Variants in ADGRL4 observed in about 807,000 individuals in gnomAD.
ADGRL4 encodes adhesion G protein-coupled receptor L4.
Under a neutral mutation model 74.8 loss-of-function variants are expected in ADGRL4, and 90 were observed. The observed-to-expected ratio is 1.20, with a 90% CI of 1.02 to 1.43. The LOEUF (loss-of-function observed/expected upper bound fraction) is 1.43, where lower values mean the gene tolerates loss of function less well. Among genes scored for constraint, ADGRL4 ranks in the 40% most tolerant of loss-of-function variants. ADGRL4 has a pLI of 0.00. For synonymous variants in ADGRL4, 311 were observed against 279.2 expected, an observed-to-expected ratio of 1.11 and a Z score of -1.14; for missense variants, 881 against 814.3, an observed-to-expected ratio of 1.08 and a Z score of -1.00.
At chr1:78,899,560 GC>G (rs1648475180) in intron 12 of ADGRL4, among the ~76,000 whole-genome samples, 1 of 152,110 alleles carries the variant, frequency 6.6e-6, no homozygotes, top group South Asian at 2.1e-4. Context: ...TCGCCATATT[GC>G]CCAAGCTGTT....
At chr1:78,913,418 A>G (rs1648803502) in intron 12 of ADGRL4, among the ~76,000 whole-genome samples, 1 of 151,944 alleles carries the variant, frequency 6.6e-6, no homozygotes, top group African/African-American at 2.4e-5. Context: ...AAACATGCAT[A>G]TACACCGTGG....
At chr1:78,905,573 A>G (rs1489442674) in intron 12 of ADGRL4, among the ~76,000 whole-genome samples, 1 of 151,966 alleles carries the variant, frequency 6.6e-6, no homozygotes, top group African/African-American at 2.4e-5. Context: ...AAAACAAACA[A>G]ATGAGTGTGG....
chr1:78,974,332 G>T (rs1366035872), intron 2 of ADGRL4, among the ~76,000 whole-genome samples: 1 of 151,962 alleles, frequency 6.6e-6, no homozygotes, highest in East Asian at 1.9e-4. Context: ...TACATTTTCA[G>T]TTATTTATTG....
rs140561874 is a variant in ADGRL4, at chr1:78,918,125, T to C, written c.1462-75A>G. 674 of 1,202,040 alleles carry C rather than the reference T, an allele frequency of 5.6e-4. 4 individuals are homozygous for C. In the African/African-American group the frequency reaches 9.6e-3, roughly 17 times the overall value. The allele number at this position is 1,202,040 out of a possible 1,614,324, so 74.5% of individuals were successfully genotyped here. A position where few individuals can be genotyped will look rare whatever the true frequency, so the allele number is the denominator to read the frequency against. ...TTATCATAACATACAATCTCTACTT[T>C]CGCTGTAAATCACAACTTTCTTTAT... is the stretch of plus-strand genomic sequence containing the variant. On this transcript the variant is annotated intron_variant, in intron 10 of 14. Transcript: ENST00000370742.
chr1:79,003,379 A>T (rs1455573543), intron 2 of ADGRL4, among the ~76,000 whole-genome samples: 16 of 152,026 alleles, frequency 1.1e-4, no homozygotes, highest in Admixed American at 9.8e-4. Context: ...AAACAAGTGT[A>T]TATGGAGTTT....
chr1:78,924,451 G>A (rs1020991087), intron 8 of ADGRL4, among the ~76,000 whole-genome samples: 2 of 151,958 alleles, frequency 1.3e-5, no homozygotes, highest in South Asian at 4.1e-4. Context: ...CACAGGAGAG[G>A]AGAGAGGTGA....
In ADGRL4 at chr1:78,920,382, A is replaced by T. The variant is rs768295911; in HGVS notation, c.1262T>A (p.Ile421Asn). The T allele has an allele frequency of 3.8e-6, 6 of 1,560,320 alleles. No individual in the cohort carries two copies. The African/African-American group carries it at 8.2e-5, about 21-fold the overall frequency. ...ILMSSGPSIG[I>N]KDYNILTRIT... ...CCTTGTAAGAATATTATAATCTTTA[A>T]TACCCTAAGGGAAAATAATAATAAA... The change falls in exon 10 of 15, where the codon ATT becomes AAT. Residue 421 changes from isoleucine to asparagine, a missense_variant. Physicochemically the swap from Ile to Asn is moderately radical, Grantham distance 149 (BLOSUM62 -3). Transcript: ENST00000370742.
chr1:78,992,002 A>T (rs769834076), intron 2 of ADGRL4, among the ~76,000 whole-genome samples: 6 of 152,052 alleles, frequency 3.9e-5, no homozygotes, highest in Admixed American at 1.3e-4. Flanking sequence ...TCAAACCATA[A>T]TCTCTAAATT....
intron 12 of ADGRL4, among the ~76,000 whole-genome samples, chr1:78,916,775 G>A (rs959875642): frequency 1.3e-4 from 19 of 151,778 alleles, no homozygotes; most frequent in Admixed American, 6.6e-5. Context: ...AACACATATG[G>A]AACAAAGTTG....
chr1:78,934,869 A>T (rs1649320577), intron 7 of ADGRL4, among the ~76,000 whole-genome samples: 2 of 152,228 alleles, frequency 1.3e-5, no homozygotes, highest in Non-Finnish European at 2.9e-5. Context: ...ATCTCATGCC[A>T]GTCAGAAGGG....
chr1:79,006,300 G>C (rs1011480389), intron 1 of ADGRL4, among the ~76,000 whole-genome samples: 1 of 152,078 alleles, frequency 6.6e-6, no homozygotes. Flanking sequence ...AATCTGGCCC[G>C]GCAATCCCCT....
chr1:78,911,554 A>T (rs934171565), intron 12 of ADGRL4, among the ~76,000 whole-genome samples: 38 of 151,870 alleles, frequency 2.5e-4, no homozygotes, highest in Admixed American at 1.4e-3. Context: ...TATAATAATC[A>T]TATCTTGCTA....
chr1:78,899,170 T>A (rs974219211), intron 12 of ADGRL4, among the ~76,000 whole-genome samples: 1 of 152,204 alleles, frequency 6.6e-6, no homozygotes, highest in African/African-American at 2.4e-5. Context: ...CATTTAAGGA[T>A]GTGTCATAAT....
At chr1:78,937,765 T>C (rs3811438) in intron 6 of ADGRL4, 42 bp downstream of exon 6, 131,176 of 1,567,918 alleles carry the variant, frequency 0.084, 7,251 homozygotes, top group East Asian at 0.34. Context: ...AATGGCTTAT[T>C]TGGAAAACAC....
At chr1:78,949,180 G>T (rs544464546) in intron 2 of ADGRL4, among the ~76,000 whole-genome samples, 1 of 152,034 alleles carries the variant, frequency 6.6e-6, no homozygotes, top group Non-Finnish European at 1.5e-5. Context: ...GAGGTCTGAG[G>T]TATTGGTTGG....
intron 2 of ADGRL4, among the ~76,000 whole-genome samples, chr1:78,970,333 C>T (rs1024739654): frequency 1.3e-5 from 2 of 152,162 alleles, no homozygotes; most frequent in Non-Finnish European, 2.9e-5. Context: ...AGCCATTAAG[C>T]CAATTAAGCC....
At chr1:78,933,984 T>G (rs1405539727) in intron 7 of ADGRL4, among the ~76,000 whole-genome samples, 1 of 152,156 alleles carries the variant, frequency 6.6e-6, no homozygotes, top group African/African-American at 2.4e-5. Context: ...AGAATCAATA[T>G]CGTGAAAATG....
At chr1:78,976,420 T>G (rs1221657456) in intron 2 of ADGRL4, among the ~76,000 whole-genome samples, 1 of 151,620 alleles carries the variant, frequency 6.6e-6, no homozygotes, top group African/African-American at 2.4e-5. Flanking sequence ...AATATAGATA[T>G]GAAATATTAA....
rs778103707 is a variant in ADGRL4, at chr1:78,891,702, A to G, written c.1842-10T>C. The G allele has an allele frequency of 1.3e-6, 2 of 1,599,522 alleles. No homozygotes were observed. The highest frequency in any genetic ancestry group is 1.3e-5 in the African/African-American group (1 of 74,160). The stretch of plus-strand genomic sequence containing the variant: ...TCCTCTTGCACAAGACCTATCACAT[A>G]TGAGAAATGCGTCAGTGAAGAAAGC... On this transcript the variant is annotated splice_polypyrimidine_tract_variant and intron_variant, in intron 13 of 14. Coordinates refer to ENST00000370742, the MANE Select transcript of ADGRL4 (RefSeq NM_022159.4).
Sources: allele counts gnomAD v4.1 joint callset (sites outside exome capture counted in the v4.1 genomes callset), GRCh38; gene constraint gnomAD v4.1.1; transcripts MANE v1.5; gene names NCBI Gene and HGNC (gene_info 2026-07-23, HGNC 2026-07-21).